NOL10: variants seen among roughly 807,000 people sequenced by gnomAD.
NOL10 encodes nucleolar protein 10.
A neutral mutation model predicts 103.5 loss-of-function variants in NOL10; 58 were observed. The observed-to-expected ratio is 0.56, with a 90% CI of 0.45 to 0.70. NOL10 has a LOEUF of 0.70. NOL10 is among the 30% of genes least tolerant of loss of function. The pLI, the probability that NOL10 is intolerant of heterozygous loss-of-function variation, is 0.00. For missense variants in NOL10, 763 were observed against 807.3 expected, an observed-to-expected ratio of 0.95 and a Z score of 0.67; for synonymous variants, 287 against 282.5, an observed-to-expected ratio of 1.02 and a Z score of -0.16.
intron 14 of NOL10, among the ~76,000 whole-genome samples, chr2:10,606,314 T>C (rs1404061295): frequency 6.6e-6 from 1 of 151,840 alleles, no homozygotes; most frequent in African/African-American, 2.4e-5. Flanking sequence ...ATGAGTTACA[T>C]GTAGAACGCT....
At chr2:10,648,643 G>A (rs1679248893) in intron 12 of NOL10, among the ~76,000 whole-genome samples, 1 of 152,068 alleles carries the variant, frequency 6.6e-6, no homozygotes, top group South Asian at 2.1e-4. Flanking sequence ...GCAACGACCT[G>A]GAGACCTCAG....
chr2:10,671,536 A>AC lies in NOL10; in HGVS notation c.464+17_464+18insG. On this transcript the variant is annotated intron_variant, in intron 6 of 20. Transcript: ENST00000381685. ...GTTTTAGGAGGTGAAAAGGAGAAAA[A>AC]GGGACTGGATCCAATACCTTGCACC... The AC allele has an allele frequency of 6.5e-7, 1 of 1,537,844 alleles. No individual in the cohort carries two copies. The highest frequency in any genetic ancestry group is 1.4e-5 in the African/African-American group (1 of 71,860).
At chr2:10,625,211 A>G (rs1677385945) in intron 13 of NOL10, among the ~76,000 whole-genome samples, 1 of 152,186 alleles carries the variant, frequency 6.6e-6, no homozygotes, top group African/African-American at 2.4e-5. Context: ...ATGTCATTAT[A>G]CATTTGTCAA....
At chr2:10,607,628 T>G in intron 13 of NOL10, among the ~76,000 whole-genome samples, 1 of 152,172 alleles carries the variant, frequency 6.6e-6, no homozygotes, top group East Asian at 1.9e-4. Flanking sequence ...CATCCATTCA[T>G]GTATCACCTC....
chr2:10,685,953 T>G (rs1311799902), intron 1 of NOL10, among the ~76,000 whole-genome samples: 1 of 101,560 alleles, frequency 9.8e-6, no homozygotes, highest in Non-Finnish European at 2.6e-5. Flanking sequence ...TCCCAGCTAC[T>G]CAGTAGGCTG....
intron 6 of NOL10, among the ~76,000 whole-genome samples, chr2:10,669,770 T>TA (rs1572415665): frequency 6.6e-6 from 1 of 151,932 alleles, no homozygotes; most frequent in East Asian, 1.9e-4. Context: ...CGCATGCCTG[T>TA]AATCCCAGCT....
chr2:10,669,193 A>G (rs539114653), intron 6 of NOL10, among the ~76,000 whole-genome samples: 1 of 151,450 alleles, frequency 6.6e-6, no homozygotes, highest in African/African-American at 2.4e-5. Flanking sequence ...ACACCCGGCT[A>G]ATTTTTTGTA....
chr2:10,588,688 A>T (rs1184333196), intron 19 of NOL10, among the ~76,000 whole-genome samples: 1 of 152,228 alleles, frequency 6.6e-6, no homozygotes, highest in Non-Finnish European at 1.5e-5. Context: ...TGGGGAAAAA[A>T]CAAGGACAAG....
rs1674199131 is a variant in NOL10, at chr2:10,571,942, A to G, written c.*129T>C. 2.7e-6 allele frequency: 3 copies of G among 1,130,460 alleles called. No individual in the cohort carries two copies. Among genetic ancestry groups the G allele is most frequent in the Admixed American group, 2.4e-5 (1 of 41,040 alleles). 70.0% of individuals were successfully genotyped at this position (1,130,460 alleles called of 1,614,324 possible). On this transcript the variant is annotated 3_prime_UTR_variant, in exon 21 of 21. Transcript: ENST00000381685. ...ACAAGGCACAGGTTTTCAAATCTTT[A>G]CCTCTGTGTACAAGAACGTACATGA...
At chr2:10,580,274 G>A (rs1238210517) in intron 19 of NOL10, among the ~76,000 whole-genome samples, 2 of 152,204 alleles carry the variant, frequency 1.3e-5, no homozygotes, top group African/African-American at 2.4e-5. Flanking sequence ...ACACCACACT[G>A]CATGCGCTTC....
intron 11 of NOL10, among the ~76,000 whole-genome samples, chr2:10,657,070 G>A (rs1679883835): frequency 6.6e-6 from 1 of 152,154 alleles, no homozygotes; most frequent in Admixed American, 6.5e-5. Flanking sequence ...TGTAATCCCA[G>A]CACTTCAGGA....
At chr2:10,634,014 A>C (rs1678020537) in intron 13 of NOL10, among the ~76,000 whole-genome samples, 1 of 151,946 alleles carries the variant, frequency 6.6e-6, no homozygotes, top group East Asian at 1.9e-4. Context: ...TTTTTGTGGA[A>C]ATGGGGTCTC....
At chr2:10,580,236 C>G (rs537719712) in intron 19 of NOL10, among the ~76,000 whole-genome samples, 48 of 152,308 alleles carry the variant, frequency 3.2e-4, no homozygotes, top group African/African-American at 9.9e-4. Flanking sequence ...CTGAAAATTC[C>G]TTATTGAACA....
chr2:10,595,361 G>T (rs1286556209), intron 17 of NOL10, among the ~76,000 whole-genome samples: 1 of 152,040 alleles, frequency 6.6e-6, no homozygotes, highest in Non-Finnish European at 1.5e-5. Flanking sequence ...CTGTTACTGG[G>T]CTGGAGTGCA....
chr2:10,621,947 C>T (rs2148221954), intron 13 of NOL10: 2 of 411,024 alleles, frequency 4.9e-6, no homozygotes, highest in South Asian at 3.8e-5. Context: ...CACTAAGCCA[C>T]CTGTGGCGAT....
Position 10,664,153 on chromosome 2 carries a change from G to C in NOL10, c.592-1109C>G, listed in dbSNP as rs185477861. 3.0e-4 allele frequency among the ~76,000 whole-genome samples: 46 copies of C among 151,882 alleles called. No homozygotes were observed. The East Asian group carries it at 8.5e-3, about 28-fold the overall frequency. On this transcript the variant is annotated intron_variant, in intron 8 of 20. Coordinates refer to ENST00000381685, the MANE Select transcript of NOL10 (RefSeq NM_024894.4). ...AAAACCCAAAAAAACAGAACAGGCCGGGCATGGTGGCTTATGCCTGTAATC... is the reference window on the plus strand; with the variant it reads ...AAAACCCAAAAAAACAGAACAGGCCCGGCATGGTGGCTTATGCCTGTAATC...
At chr2:10,678,406 AG>A (rs1264616101) in intron 3 of NOL10, among the ~76,000 whole-genome samples, 4 of 145,286 alleles carry the variant, frequency 2.8e-5, no homozygotes, top group Non-Finnish European at 4.6e-5. Flanking sequence ...TTTGGCCACT[AG>A]GGGAAAAAAG....
chr2:10,620,071 G>T (rs1043010198), intron 13 of NOL10, among the ~76,000 whole-genome samples: 5 of 152,112 alleles, frequency 3.3e-5, no homozygotes, highest in African/African-American at 1.2e-4. Flanking sequence ...TTTTGATCAT[G>T]CACCTGGTAA....
At chr2:10,605,318 A>T (rs1676190986) in intron 14 of NOL10, among the ~76,000 whole-genome samples, 1 of 152,236 alleles carries the variant, frequency 6.6e-6, no homozygotes, top group East Asian at 1.9e-4. Flanking sequence ...AAGAGTCAGA[A>T]CTTGCAAATC....
Sources: gnomAD v4.1 joint callset for allele counts (sites outside exome capture counted in the v4.1 genomes callset) on GRCh38, gnomAD v4.1.1 for gene constraint, MANE v1.5 for transcripts, NCBI Gene and HGNC (gene_info 2026-07-23, HGNC 2026-07-21) for gene names.